The following TBL1X variants were observed in gnomAD, a reference collection of about 807,000 sequenced individuals.
The protein encoded by TBL1X is F-box-like/WD repeat-containing protein TBL1X.
A neutral mutation model predicts 50.7 loss-of-function variants in TBL1X; 10 were observed. That is an observed-to-expected ratio of 0.20 (90% confidence interval 0.12 to 0.33). TBL1X has a LOEUF of 0.33. TBL1X is among the 10% of genes least tolerant of loss of function. The probability of loss-of-function intolerance (pLI) is 1.00; values close to 1 mark genes in which losing one functional copy is unlikely to be tolerated. For missense variants in TBL1X, 340 were observed against 504.4 expected (o/e 0.67, Z 3.12); for synonymous variants, 190 against 214.7 (o/e 0.88, Z 1.01).
intron 2 of TBL1X, among the ~76,000 whole-genome samples, chrX:9,639,568 G>C (rs927240212): frequency 6.2e-5 from 7 of 112,199 alleles, no homozygotes; most frequent in African/African-American, 2.3e-4. Flanking sequence ...ATCATTTTAT[G>C]AGCCATAAAC....
chrX:9,702,668 ATGG>A (rs1451490646), intron 12 of TBL1X, among the ~76,000 whole-genome samples: 1 of 110,924 alleles, frequency 9.0e-6, no homozygotes, highest in Non-Finnish European at 1.9e-5. Context: ...TGGTAAGGAC[ATGG>A]TGGCCAGAGC....
chrX:9,563,225 A>G (rs1222876813), intron 2 of TBL1X, among the ~76,000 whole-genome samples: 1 of 112,834 alleles, frequency 8.9e-6, no homozygotes, highest in Non-Finnish European at 1.9e-5. Context: ...CTTATAATAC[A>G]TGTTACTGTT....
intron 5 of TBL1X, among the ~76,000 whole-genome samples, chrX:9,660,113 T>C (rs2082888856): frequency 8.8e-6 from 1 of 113,031 alleles, no homozygotes; most frequent in South Asian, 3.6e-4. Flanking sequence ...GGCTTCCAGA[T>C]AGCAGGATTC....
At chrX:9,693,612 TTC>T (rs1469130604) in intron 11 of TBL1X, among the ~76,000 whole-genome samples, 193 bp downstream of exon 11, 1 of 111,979 alleles carries the variant, frequency 8.9e-6, no homozygotes, top group Non-Finnish European at 1.9e-5. Flanking sequence ...TCTTAATATA[TTC>T]TGCTGTTCTG....
chrX:9,536,988 CCTT>C (rs766358431), intron 2 of TBL1X, among the ~76,000 whole-genome samples: 1 of 112,077 alleles, frequency 8.9e-6, no homozygotes, highest in South Asian at 3.8e-4. Context: ...AGTTACCAAT[CCTT>C]CTTTTTAAGT....
chrX:9,590,340 A>G (rs1021830024), intron 2 of TBL1X, among the ~76,000 whole-genome samples: 2 of 104,581 alleles, frequency 1.9e-5, no homozygotes, highest in Non-Finnish European at 3.9e-5. Context: ...TTGTAAGTCT[A>G]AAAATTATTT....
intron 3 of TBL1X, among the ~76,000 whole-genome samples, chrX:9,652,776 G>A (rs952365081): frequency 2.8e-5 from 3 of 108,038 alleles, no homozygotes; most frequent in African/African-American, 6.8e-5. Flanking sequence ...GCTTGAGCCC[G>A]GGAGGTGGAG....
At chrX:9,579,134 C>T (rs771979425) in intron 2 of TBL1X, among the ~76,000 whole-genome samples, 12 of 111,656 alleles carry the variant, frequency 1.1e-4, no homozygotes, top group Non-Finnish European at 1.9e-4. Context: ...ACCACAGAAG[C>T]GGGGTGCGGG....
intron 1 of TBL1X, among the ~76,000 whole-genome samples, chrX:9,498,232 AAGAT>A (rs940937963): frequency 4.5e-5 from 5 of 111,867 alleles, no homozygotes; most frequent in African/African-American, 1.6e-4. Context: ...TGTGAGAACA[AAGAT>A]AGGCCCTCAT....
chrX:9,669,409 G>A (rs933411339), intron 5 of TBL1X, among the ~76,000 whole-genome samples: 5 of 111,532 alleles, frequency 4.5e-5, no homozygotes, highest in Admixed American at 2.9e-4. Flanking sequence ...TGTAAAATGT[G>A]TTCTTTCCTG....
chrX:9,563,594 C>T (rs920195812), intron 2 of TBL1X, among the ~76,000 whole-genome samples: 10 of 112,287 alleles, frequency 8.9e-5, no homozygotes, highest in Non-Finnish European at 1.3e-4. Flanking sequence ...ATATGGTAGC[C>T]ACCAGCTGTA....
intron 2 of TBL1X, among the ~76,000 whole-genome samples, chrX:9,605,933 A>C (rs183354384): frequency 2.7e-5 from 3 of 112,465 alleles, no homozygotes; most frequent in African/African-American, 9.7e-5. Context: ...TTATCTGTTG[A>C]TTGCTGTGTA....
intron 2 of TBL1X, among the ~76,000 whole-genome samples, chrX:9,518,252 C>G (rs1160439556): frequency 8.9e-6 from 1 of 112,268 alleles, no homozygotes; most frequent in Non-Finnish European, 1.9e-5. Context: ...GTGTTGCAAC[C>G]ATGGCAACAG....
intron 1 of TBL1X, among the ~76,000 whole-genome samples, chrX:9,487,850 G>T (rs1331931627): frequency 9.0e-6 from 1 of 110,901 alleles, no homozygotes; most frequent in Non-Finnish European, 1.9e-5. Flanking sequence ...ATTTCCCAAA[G>T]GGGTTGTGTG....
chrX:9,699,028 T>G (rs1452380419), intron 12 of TBL1X, among the ~76,000 whole-genome samples: 1 of 111,866 alleles, frequency 8.9e-6, no homozygotes, highest in Non-Finnish European at 1.9e-5. Context: ...TCACCCAGGT[T>G]GGAGTGCAGT....
At chrX:9,489,563 T>G (rs1007657553) in intron 1 of TBL1X, among the ~76,000 whole-genome samples, 2 of 111,240 alleles carry the variant, frequency 1.8e-5, no homozygotes, top group Middle Eastern at 4.2e-3. Flanking sequence ...AGGCTTAGGG[T>G]TGAAATGATG....
chrX:9,629,380 G>T (rs1221605203), intron 2 of TBL1X, among the ~76,000 whole-genome samples: 2 of 112,411 alleles, frequency 1.8e-5, no homozygotes, highest in African/African-American at 6.5e-5. Flanking sequence ...GCCCTTTAGA[G>T]AAAATGTGTA....
At chrX:9,582,448 T>A (rs1374706103) in intron 2 of TBL1X, among the ~76,000 whole-genome samples, 1 of 112,516 alleles carries the variant, frequency 8.9e-6, no homozygotes, top group Non-Finnish European at 1.9e-5. Context: ...TAAGAAAGAA[T>A]CCCTTATTTT....
intron 4 of TBL1X, 47 bp from the exon 5 acceptor site, chrX:9,654,168 A>G (rs1601818929): frequency 9.1e-7 from 1 of 1,096,447 alleles, no homozygotes; most frequent in Non-Finnish European, 1.2e-6. Flanking sequence ...AAAAAAAAAG[A>G]GAAAAATACA....
Sources: allele counts gnomAD v4.1 joint callset (sites outside exome capture counted in the v4.1 genomes callset), GRCh38; gene constraint gnomAD v4.1.1; transcripts MANE v1.5; gene names NCBI Gene and HGNC (gene_info 2026-07-23, HGNC 2026-07-21).